The following AOPEP variants were observed in gnomAD, a reference collection of about 807,000 sequenced individuals.
AOPEP encodes aminopeptidase O (putative), also known as aminopeptidase O.
Under a neutral mutation model 98.1 loss-of-function variants are expected in AOPEP, and 77 were observed. The ratio of observed to expected loss-of-function variants is 0.78; its 90% CI spans 0.65 to 0.95. The LOEUF (loss-of-function observed/expected upper bound fraction) is 0.95, where lower values mean the gene tolerates loss of function less well. AOPEP is among the 40% of genes least tolerant of loss of function. The pLI, the probability that AOPEP is intolerant of heterozygous loss-of-function variation, is 0.00. For missense variants in AOPEP, 1,024 were observed against 1,024.7 expected (o/e 1.00, Z 0.01); for synonymous variants, 346 against 365.3 (o/e 0.95, Z 0.60).
At chr9:94,949,941 CT>C (rs2057979590) in intron 7 of AOPEP, among the ~76,000 whole-genome samples, 1 of 152,106 alleles carries the variant, frequency 6.6e-6, no homozygotes, top group Admixed American at 6.5e-5. Context: ...TTTGTTGTTT[CT>C]TTTATTTATT....
At chr9:95,122,032 G>C in the AOPEP span, among the ~76,000 whole-genome samples, 60 of 151,758 alleles carry the variant, frequency 4.0e-4, 1 homozygote, top group Non-Finnish European at 8.2e-4. Flanking sequence ...GAATTTTTTT[G>C]TATTTTTAGT....
intron 5 of AOPEP, among the ~76,000 whole-genome samples, chr9:94,833,301 G>A (rs1295787285): frequency 7.6e-6 from 1 of 132,150 alleles, no homozygotes; most frequent in Non-Finnish European, 1.5e-5. Flanking sequence ...GCAATGGCAT[G>A]ATCTCAGCTC....
At chr9:94,918,733 T>A (rs1247049637) in intron 5 of AOPEP, among the ~76,000 whole-genome samples, 1 of 152,064 alleles carries the variant, frequency 6.6e-6, no homozygotes, top group Non-Finnish European at 1.5e-5. Flanking sequence ...ATGTGTAAAA[T>A]ACAGTGCCTG....
the AOPEP span, among the ~76,000 whole-genome samples, chr9:95,132,470 C>T: frequency 2.3e-4 from 35 of 152,270 alleles, no homozygotes; most frequent in South Asian, 6.9e-3. Context: ...ATGGTCTTCC[C>T]GTGCCCATGC....
At chr9:95,080,834 C>A in intron 15 of AOPEP, 54 bp downstream of exon 15, 1 of 1,166,138 alleles carries the variant, frequency 8.6e-7, no homozygotes, top group Non-Finnish European at 1.3e-6. Flanking sequence ...CCCTGCACTT[C>A]ACACAGGAAT....
chr9:94,935,659 C>A lies in AOPEP; in HGVS notation c.1661+7128C>A, dbSNP rs72750313. On this transcript the variant is annotated intron_variant, in intron 7 of 16. Coordinates refer to ENST00000375315, the MANE Select transcript of AOPEP (RefSeq NM_001193329.3). ...CAGGCTCAGGCAACCCCAGGGCCAC[C>A]CTCTGACGAAGAGTCGCAGAGAGCA... is the stretch of plus-strand genomic sequence containing the variant. 5.3e-3 allele frequency among the ~76,000 whole-genome samples: 809 copies of A among 152,282 alleles called. 13 individuals carry two copies. The highest frequency in any genetic ancestry group is 0.043 in the East Asian group (224 of 5,168).
chr9:95,072,346 G>A (rs1296026631), intron 14 of AOPEP, among the ~76,000 whole-genome samples: 1 of 152,204 alleles, frequency 6.6e-6, no homozygotes, highest in East Asian at 1.9e-4. Context: ...ATCTGGTTCT[G>A]GACACATGAA....
chr9:95,149,243 G>T, the AOPEP span, among the ~76,000 whole-genome samples: 1 of 151,992 alleles, frequency 6.6e-6, no homozygotes, highest in Non-Finnish European at 1.5e-5. Context: ...AAACTCTTGG[G>T]AATGTATGAA....
chr9:95,078,154 T>C (rs2069294903), intron 14 of AOPEP, among the ~76,000 whole-genome samples: 1 of 152,102 alleles, frequency 6.6e-6, no homozygotes, highest in Non-Finnish European at 1.5e-5. Flanking sequence ...CAGTAAACTA[T>C]TTCTAACAGT....
At chr9:94,774,140 G>C (rs776955720) in intron 3 of AOPEP, among the ~76,000 whole-genome samples, 1 of 151,504 alleles carries the variant, frequency 6.6e-6, no homozygotes, top group African/African-American at 2.4e-5. Context: ...GTGAAATCTC[G>C]TCTCTACTAA....
At position 94,849,075 on chromosome 9, in the gene AOPEP, G is replaced by A. The variant is rs72746593; in HGVS notation, c.1364+48073G>A. 5.2e-3 allele frequency among the ~76,000 whole-genome samples: 799 copies of A among 152,246 alleles called. 12 individuals are homozygous for A. The highest frequency in any genetic ancestry group is 0.043 in the South Asian group (209 of 4,816). On this transcript the variant is annotated intron_variant, in intron 5 of 16. Transcript: ENST00000375315. ...ATTAGAGGCGTGAGCCACCACACCC[G>A]GCCAAGTCTAAATATTTTAAGAGGC... is the stretch of plus-strand genomic sequence containing the variant.
chr9:95,088,507 C>CCTCTCTCTCTCT (rs59531935), downstream of AOPEP, among the ~76,000 whole-genome samples: 3 of 148,970 alleles, frequency 2.0e-5, no homozygotes, highest in African/African-American at 7.4e-5. Context: ...CTGTACCCGG[C>CCTCTCTCTCTCT]CTCTCTCTCT....
At chr9:95,020,475 G>A (rs1283073087) in intron 13 of AOPEP, among the ~76,000 whole-genome samples, 3 of 152,152 alleles carry the variant, frequency 2.0e-5, no homozygotes, top group Non-Finnish European at 4.4e-5. Flanking sequence ...GGATTCTATA[G>A]TAACACAGCT....
chr9:94,861,728 T>C (rs1002319633), intron 5 of AOPEP, among the ~76,000 whole-genome samples: 2 of 152,212 alleles, frequency 1.3e-5, no homozygotes, highest in Non-Finnish European at 2.9e-5. Context: ...ATAAAACCAC[T>C]GAATGTGCAG....
At chr9:94,757,369 G>A (rs1564076022) in intron 1 of AOPEP, among the ~76,000 whole-genome samples, 1 of 152,198 alleles carries the variant, frequency 6.6e-6, no homozygotes, top group East Asian at 1.9e-4. Flanking sequence ...TTGTCAGTCA[G>A]GGTGACAAAC....
chr9:94,836,720 A>T (rs2134643542), intron 5 of AOPEP, among the ~76,000 whole-genome samples: 1 of 152,308 alleles, frequency 6.6e-6, no homozygotes, highest in South Asian at 2.1e-4. Context: ...ACAATTTATC[A>T]ATCTTTTCTT....
At chr9:94,999,266 T>C (rs1016746221) in intron 11 of AOPEP, among the ~76,000 whole-genome samples, 7 of 151,012 alleles carry the variant, frequency 4.6e-5, no homozygotes, top group Non-Finnish European at 8.9e-5. Context: ...ACAAGAAAAA[T>C]GAAGCAACAT....
intron 5 of AOPEP, among the ~76,000 whole-genome samples, chr9:94,819,946 CTTTT>C (rs11423201): frequency 4.9e-5 from 6 of 121,584 alleles, no homozygotes; most frequent in Non-Finnish European, 9.8e-5. Context: ...TAGTGCAATT[CTTTT>C]TTTTTTTTTT....
intron 3 of AOPEP, among the ~76,000 whole-genome samples, chr9:94,779,606 G>T (rs1355677511): frequency 6.6e-6 from 1 of 151,868 alleles, no homozygotes; most frequent in Admixed American, 6.6e-5. Flanking sequence ...AATTATAAAT[G>T]AAATGCAGAT....
Sources: allele counts gnomAD v4.1 joint callset (sites outside exome capture counted in the v4.1 genomes callset), GRCh38; gene constraint gnomAD v4.1.1; transcripts MANE v1.5; gene names NCBI Gene and HGNC (gene_info 2026-07-23, HGNC 2026-07-21).